Variants in SLC5A4 observed in about 807,000 individuals in gnomAD.
The protein encoded by SLC5A4 is probable glucose sensor protein SLC5A4.
In SLC5A4, 55 loss-of-function variants were observed where a neutral mutation model predicts 70.3. That is an observed-to-expected ratio of 0.78 (90% confidence interval 0.63 to 0.98). The LOEUF is 0.98. Ranked by LOEUF, SLC5A4 falls within the 50% of genes least tolerant of loss-of-function variation. SLC5A4 has a pLI of 0.00. For synonymous variants in SLC5A4, 268 were observed against 305.7 expected, an observed-to-expected ratio of 0.88 and a Z score of 1.29; for missense variants, 735 against 839.2, an observed-to-expected ratio of 0.88 and a Z score of 1.53.
the SLC5A4 span, among the ~76,000 whole-genome samples, chr22:32,324,813 T>C: frequency 6.6e-6 from 1 of 152,216 alleles, no homozygotes; most frequent in African/African-American, 2.4e-5. Flanking sequence ...CCAGCAGGGC[T>C]ATCACTCCTG....
chr22:32,224,413 C>T lies in SLC5A4; in HGVS notation c.1519G>A (p.Gly507Arg), dbSNP rs773625814. 8 of 1,614,122 alleles carry T rather than the reference C, an allele frequency of 5.0e-6. No individual in the cohort carries two copies. Among genetic ancestry groups the T allele is most frequent in the Non-Finnish European group, 6.8e-6 (8 of 1,180,016 alleles). The change falls in exon 13 of 15, where the codon GGA (glycine) becomes AGA (arginine). Residue 507 changes from glycine to arginine, a missense_variant. Gly to Arg is a moderately radical substitution (Grantham distance 125). Coordinates refer to ENST00000266086, the MANE Select transcript of SLC5A4 (RefSeq NM_014227.3). ...CTGGGAGCCAAGCAACTCCCTGTTCCATAAGCAAACTCTGTTATCATACGA... is the reference window on the plus strand; with the variant it reads ...CTGGGAGCCAAGCAACTCCCTGTTCTATAAGCAAACTCTGTTATCATACGA... Reference protein sequence around the residue: ...LIRMITEFAYGTGSCLAPSNC... With the variant: ...LIRMITEFAYRTGSCLAPSNC...
chr22:32,278,456 C>T, the SLC5A4 span, among the ~76,000 whole-genome samples: 19 of 152,168 alleles, frequency 1.2e-4, no homozygotes, highest in Non-Finnish European at 2.2e-4. Flanking sequence ...GAATATATCC[C>T]TGTCTTTACT....
the SLC5A4 span, among the ~76,000 whole-genome samples, chr22:32,308,768 A>G: frequency 1.0e-4 from 7 of 68,182 alleles, no homozygotes; most frequent in East Asian, 1.4e-3. Context: ...AATCACATGT[A>G]TGTGTGTGAG....
At chr22:32,289,572 A>G in the SLC5A4 span, among the ~76,000 whole-genome samples, 1 of 152,178 alleles carries the variant, frequency 6.6e-6, no homozygotes, top group Non-Finnish European at 1.5e-5. Flanking sequence ...TCCCGGTTCA[A>G]GCGATTCTGC....
At chr22:32,308,323 C>CAG in the SLC5A4 span, among the ~76,000 whole-genome samples, 2 of 5,578 alleles carry the variant, frequency 3.6e-4, no homozygotes, top group African/African-American at 0.021. Context: ...CCTTGAATGG[C>CAG]AGTCTCTGAT....
chr22:32,336,863 T>G, the SLC5A4 span, among the ~76,000 whole-genome samples: 1 of 152,262 alleles, frequency 6.6e-6, no homozygotes, highest in Non-Finnish European at 1.5e-5. Context: ...TTTGTCTTTC[T>G]GTTCCCAGAA....
At chr22:32,309,846 G>T in the SLC5A4 span, among the ~76,000 whole-genome samples, 1 of 151,750 alleles carries the variant, frequency 6.6e-6, no homozygotes, top group Non-Finnish European at 1.5e-5. Flanking sequence ...AGGGTGCTGT[G>T]GCTGGCTGCA....
chr22:32,332,129 C>T, the SLC5A4 span, among the ~76,000 whole-genome samples: 1 of 152,100 alleles, frequency 6.6e-6, no homozygotes, highest in African/African-American at 2.4e-5. Context: ...ATGGCTGCAG[C>T]TCGTGAGACA....
At chr22:32,267,919 T>A in the SLC5A4 span, among the ~76,000 whole-genome samples, 2 of 151,872 alleles carry the variant, frequency 1.3e-5, no homozygotes, top group Admixed American at 6.6e-5. Flanking sequence ...GGTCAGGAGA[T>A]TGAGACCATC....
rs900146811 is a variant in SLC5A4 at position 32,254,048 on chromosome 22, T to C, written c.207+94A>G. 4.1e-6 allele frequency: 4 copies of C among 984,456 alleles called. No homozygotes were observed. The East Asian group carries it at 7.2e-5, about 18-fold the overall frequency. The allele number at this position is 984,456 out of a possible 1,614,324, so 61.0% of individuals were successfully genotyped here. A position where few individuals can be genotyped will look rare whatever the true frequency, so the allele number is the denominator to read the frequency against. On this transcript the variant is annotated intron_variant, in intron 2 of 14. Coordinates refer to ENST00000266086, the MANE Select transcript of SLC5A4 (RefSeq NM_014227.3). ...TGCCAGCCTTGGCCTCCCAAAGTGCTGGGATTACAGGCGTGAGACACCGCA... is the reference window on the plus strand; with the variant it reads ...TGCCAGCCTTGGCCTCCCAAAGTGCCGGGATTACAGGCGTGAGACACCGCA...
At chr22:32,291,905 TTC>T in the SLC5A4 span, among the ~76,000 whole-genome samples, 1 of 144,062 alleles carries the variant, frequency 6.9e-6, no homozygotes, top group African/African-American at 2.5e-5. Flanking sequence ...TGGAGTCTCA[TTC>T]TGTCACTCAG....
At position 32,239,577 on chromosome 22, in the gene SLC5A4, TATATTTATATATATATAAATTA is replaced by T. The variant is rs1399151580; in HGVS notation, c.478-509_478-488del. 5.5e-3 allele frequency among the ~76,000 whole-genome samples: 147 copies of T among 26,674 alleles called. 11 individuals carry two copies. Among genetic ancestry groups the T allele is most frequent in the African/African-American group, 0.03 (109 of 3,646 alleles). 17.5% of individuals were successfully genotyped at this position (26,674 alleles called of 152,430 possible). ...ATATATATATATATATATTTATATA[TATATTTATATATATATAAATTA>T]TATAAAATATATGTATAATATATAA... On this transcript the variant is annotated intron_variant, in intron 5 of 14. Transcript: ENST00000266086.
chr22:32,285,217 C>A, the SLC5A4 span: 1 of 152,102 alleles, frequency 6.6e-6, no homozygotes, highest in Non-Finnish European at 1.5e-5. Context: ...ACCTCTAAGT[C>A]TTCCTCTATT....
At chr22:32,306,076 C>T in the SLC5A4 span, among the ~76,000 whole-genome samples, 3 of 152,224 alleles carry the variant, frequency 2.0e-5, no homozygotes, top group Middle Eastern at 3.4e-3. Context: ...GCACAGGTTC[C>T]CTTGAGCTCA....
the SLC5A4 span, chr22:32,270,556 T>C: frequency 1.7e-5 from 12 of 717,078 alleles, no homozygotes; most frequent in Non-Finnish European, 3.1e-5. Flanking sequence ...CTCAACCATA[T>C]TCCCGCAGAT....
chr22:32,324,417 C>T, the SLC5A4 span, among the ~76,000 whole-genome samples: 7,319 of 152,150 alleles, frequency 0.048, 347 homozygotes, highest in Admixed American at 0.15. Flanking sequence ...GCCTCAGGGC[C>T]TCTTACCAAC....
chr22:32,332,231 G>A, the SLC5A4 span, among the ~76,000 whole-genome samples: 2 of 152,184 alleles, frequency 1.3e-5, no homozygotes, highest in Admixed American at 6.5e-5. Context: ...CCTGGACTAA[G>A]AAGCCCACAT....
intron 7 of SLC5A4, among the ~76,000 whole-genome samples, chr22:32,237,012 GTAA>G (rs1427446010): frequency 3.9e-5 from 6 of 152,044 alleles, no homozygotes; most frequent in African/African-American, 1.4e-4. Context: ...CCTCTAAGCA[GTAA>G]TTTTTAAAAG....
chr22:32,271,828 G>A, the SLC5A4 span: 77 of 607,820 alleles, frequency 1.3e-4, no homozygotes, highest in Non-Finnish European at 1.8e-4. Context: ...ATGATTCCCC[G>A]TGGCCTGTCA....
Sources: allele counts gnomAD v4.1 joint callset (sites outside exome capture counted in the v4.1 genomes callset), GRCh38; gene constraint gnomAD v4.1.1; transcripts MANE v1.5; gene names NCBI Gene and HGNC (gene_info 2026-07-23, HGNC 2026-07-21).